ENTREP2: variants seen among roughly 807,000 people sequenced by gnomAD.
The protein encoded by ENTREP2 is protein ENTREP2.
At chr15:29,553,533 G>A in the ENTREP2 span, among the ~76,000 whole-genome samples, 1 of 152,142 alleles carries the variant, frequency 6.6e-6, no homozygotes, top group Admixed American at 6.6e-5. Flanking sequence ...TCAAGAGGTA[G>A]GGCCTATGTC....
chr15:29,525,966 T>G, the ENTREP2 span, among the ~76,000 whole-genome samples: 1 of 152,172 alleles, frequency 6.6e-6, no homozygotes. Context: ...TTTCTTCAAC[T>G]TCAAAAAGCA....
the ENTREP2 span, chr15:29,269,363 C>T: frequency 1.2e-6 from 2 of 1,614,084 alleles, no homozygotes; most frequent in African/African-American, 2.7e-5. Flanking sequence ...TCCCCGATGA[C>T]GTGCTTCAGT....
the ENTREP2 span, among the ~76,000 whole-genome samples, chr15:29,347,323 T>C: frequency 6.6e-6 from 1 of 152,154 alleles, no homozygotes; most frequent in Admixed American, 6.5e-5. Flanking sequence ...CCATTGTGCC[T>C]GGCTAATTTT....
the ENTREP2 span, chr15:29,373,599 CTCTT>C: frequency 6.6e-6 from 1 of 151,800 alleles, no homozygotes; most frequent in South Asian, 2.1e-4. Flanking sequence ...TCTTTTCATT[CTCTT>C]TATTATTTTT....
At chr15:29,392,454 T>C in the ENTREP2 span, among the ~76,000 whole-genome samples, 19,368 of 151,282 alleles carry the variant, frequency 0.13, 1,383 homozygotes, top group African/African-American at 0.16. Flanking sequence ...TTCGCCTTGA[T>C]GCTTGAAAAA....
At chr15:29,540,406 A>G in the ENTREP2 span, among the ~76,000 whole-genome samples, 1 of 152,248 alleles carries the variant, frequency 6.6e-6, no homozygotes, top group African/African-American at 2.4e-5. Context: ...ATCAAAAAGA[A>G]AGAAAGAAAG....
chr15:29,620,151 C>T, the ENTREP2 span, among the ~76,000 whole-genome samples: 940 of 152,172 alleles, frequency 6.2e-3, 19 homozygotes, highest in African/African-American at 0.022. Context: ...ACAGATGACA[C>T]AAAGTGAGGA....
the ENTREP2 span, among the ~76,000 whole-genome samples, chr15:29,161,726 G>A: frequency 1.3e-5 from 2 of 152,200 alleles, no homozygotes; most frequent in African/African-American, 4.8e-5. Flanking sequence ...AGAAGGAAAT[G>A]CATAATTTCC....
chr15:29,579,686 ATTTTTTTTTTTTTTTTTTTTTTTTT>A, the ENTREP2 span, among the ~76,000 whole-genome samples: 5 of 55,822 alleles, frequency 9.0e-5, no homozygotes, highest in Admixed American at 5.6e-4. Context: ...CACCCAGCTA[ATTTTTTTTTTTTTTTTTTTTTTTTT>A]TTTTTTTTTT....
the ENTREP2 span, among the ~76,000 whole-genome samples, chr15:29,594,361 G>A: frequency 2.0e-5 from 3 of 152,106 alleles, no homozygotes; most frequent in African/African-American, 4.8e-5. Flanking sequence ...GTTTCCTAGC[G>A]TGTAGGAGCT....
At chr15:29,565,885 C>T in the ENTREP2 span, among the ~76,000 whole-genome samples, 7 of 151,340 alleles carry the variant, frequency 4.6e-5, no homozygotes, top group African/African-American at 9.7e-5. Context: ...GGCATGAACC[C>T]GGGAGGCGGA....
chr15:29,314,568 A>G, the ENTREP2 span, among the ~76,000 whole-genome samples: 1 of 152,216 alleles, frequency 6.6e-6, no homozygotes, highest in Admixed American at 6.5e-5. Context: ...ATGCTGTGGC[A>G]CACTTAATAG....
chr15:29,236,501 T>C, the ENTREP2 span, among the ~76,000 whole-genome samples: 2 of 150,832 alleles, frequency 1.3e-5, no homozygotes, highest in African/African-American at 4.9e-5. Context: ...AAAAAAAAAG[T>C]AGCCAGGCAT....
chr15:29,217,315 A>T, the ENTREP2 span, among the ~76,000 whole-genome samples: 1 of 152,206 alleles, frequency 6.6e-6, no homozygotes, highest in Admixed American at 6.5e-5. Context: ...TCTCTTAGCT[A>T]AGGAAGAGTC....
chr15:29,275,728 C>T, the ENTREP2 span, among the ~76,000 whole-genome samples: 1 of 152,184 alleles, frequency 6.6e-6, no homozygotes, highest in East Asian at 1.9e-4. Flanking sequence ...TTATTATCTA[C>T]TAGATTCTCC....
the ENTREP2 span, among the ~76,000 whole-genome samples, chr15:29,246,615 G>A: frequency 1.3e-5 from 2 of 151,984 alleles, no homozygotes; most frequent in South Asian, 2.1e-4. Flanking sequence ...CAGGAGAATC[G>A]CTTGAACCCA....
the ENTREP2 span, among the ~76,000 whole-genome samples, chr15:29,490,383 C>T: frequency 1.3e-5 from 2 of 151,884 alleles, no homozygotes; most frequent in East Asian, 3.9e-4. Flanking sequence ...ACAAAACCTC[C>T]ACAACATGGA....
At chr15:29,652,590 CTT>C in the ENTREP2 span, among the ~76,000 whole-genome samples, 1 of 152,372 alleles carries the variant, frequency 6.6e-6, no homozygotes, top group South Asian at 2.1e-4. Context: ...GTGACTCCCT[CTT>C]TGAGGCCCTG....
chr15:29,317,752 G>A, the ENTREP2 span, among the ~76,000 whole-genome samples: 1 of 152,062 alleles, frequency 6.6e-6, no homozygotes, highest in Non-Finnish European at 1.5e-5. Flanking sequence ...TGGCTGTTGA[G>A]GCCAACCCAC....
Sources: gnomAD v4.1 joint callset for allele counts (sites outside exome capture counted in the v4.1 genomes callset) on GRCh38, gnomAD v4.1.1 for gene constraint, MANE v1.5 for transcripts, NCBI Gene and HGNC (gene_info 2026-07-23, HGNC 2026-07-21) for gene names.